The following CPA3 variants were observed in gnomAD, a reference collection of about 807,000 sequenced individuals.
The protein encoded by CPA3 is mast cell carboxypeptidase A.
A neutral mutation model predicts 55.8 loss-of-function variants in CPA3; 52 were observed. That is an observed-to-expected ratio of 0.93 (90% confidence interval 0.75 to 1.17). CPA3 has a LOEUF of 1.17. Among genes scored for constraint, CPA3 ranks in the 50% most tolerant of loss-of-function variants. CPA3 has a pLI of 0.00. For missense variants in CPA3, 547 were observed against 509.1 expected, an observed-to-expected ratio of 1.07 and a Z score of -0.72; for synonymous variants, 179 against 171.2, an observed-to-expected ratio of 1.05 and a Z score of -0.36.
intron 10 of CPA3, among the ~76,000 whole-genome samples, chr3:148,889,737 G>A (rs1194814131): frequency 1.3e-5 from 2 of 152,000 alleles, no homozygotes; most frequent in Non-Finnish European, 1.5e-5. Flanking sequence ...GGGCGTAATG[G>A]TGGGCACCTG....
intron 2 of CPA3, among the ~76,000 whole-genome samples, chr3:148,867,875 C>A (rs1713947197): frequency 1.3e-5 from 2 of 152,074 alleles, no homozygotes; most frequent in Admixed American, 6.5e-5. Flanking sequence ...GGAATCTTTT[C>A]AATGTTTGCT....
At chr3:148,886,071 T>G (rs1254012748) in intron 9 of CPA3, 22 bp from the exon 10 acceptor site, 1 of 1,557,430 alleles carries the variant, frequency 6.4e-7, no homozygotes, top group East Asian at 2.2e-5. Flanking sequence ...ATTATTTCAC[T>G]CTAACTTTCC....
Position 148,882,613 on chromosome 3 carries a change from T to C in CPA3, c.778+18T>C, listed in dbSNP as rs545467403. ...ATGGAACTGTGAGTAGCAGACTTGCTATCAAGGAAAATTGCTATAAGGAAT... is the reference window on the plus strand; with the variant it reads ...ATGGAACTGTGAGTAGCAGACTTGCCATCAAGGAAAATTGCTATAAGGAAT... On this transcript the variant is annotated intron_variant, in intron 8 of 10. Transcript: ENST00000296046. 7 of 1,603,200 alleles carry C rather than the reference T, an allele frequency of 4.4e-6. No homozygotes were observed. In the South Asian group the frequency reaches 6.6e-5, roughly 15 times the overall value.
intron 10 of CPA3, 54 bp from the exon 11 acceptor site, chr3:148,896,466 A>T (rs1714830838): frequency 2.8e-6 from 4 of 1,407,544 alleles, no homozygotes; most frequent in Middle Eastern, 1.9e-4. Flanking sequence ...TTTCCACTTT[A>T]AAAAAACATT....
chr3:148,880,695 C>T (rs1429962196), intron 6 of CPA3, among the ~76,000 whole-genome samples: 1 of 152,136 alleles, frequency 6.6e-6, no homozygotes, highest in East Asian at 1.9e-4. Context: ...CACTCTATTG[C>T]CAATGTATTT....
At chr3:148,884,137 A>G (rs919703071) in intron 9 of CPA3, among the ~76,000 whole-genome samples, 1 of 152,212 alleles carries the variant, frequency 6.6e-6, no homozygotes, top group African/African-American at 2.4e-5. Flanking sequence ...CGGTAAAACC[A>G]TGCACGGAAA....
intron 3 of CPA3, among the ~76,000 whole-genome samples, chr3:148,875,998 T>C (rs1714190928): frequency 6.6e-6 from 1 of 152,004 alleles, no homozygotes; most frequent in African/African-American, 2.4e-5. Flanking sequence ...AAGAAATAGT[T>C]ATTAAGAAAA....
chr3:148,886,532 GA>G (rs142879873), intron 10 of CPA3, among the ~76,000 whole-genome samples: 273 of 144,160 alleles, frequency 1.9e-3, no homozygotes, highest in Middle Eastern at 7.2e-3. Flanking sequence ...ACTGGAGTGA[GA>G]AAAAAAAAAA....
chr3:148,873,447 C>T (rs138715892), intron 3 of CPA3, among the ~76,000 whole-genome samples: 5 of 152,310 alleles, frequency 3.3e-5, no homozygotes, highest in Non-Finnish European at 7.3e-5. Context: ...GTTCTCCAGT[C>T]CTTTGTTGCT....
intron 3 of CPA3, among the ~76,000 whole-genome samples, chr3:148,870,282 T>C (rs1559966079): frequency 6.6e-6 from 1 of 152,014 alleles, no homozygotes; most frequent in Non-Finnish European, 1.5e-5. Flanking sequence ...CTTGCCATTT[T>C]ATACCTCCAT....
chr3:148,885,534 C>T (rs945974278), intron 9 of CPA3, among the ~76,000 whole-genome samples: 12 of 151,312 alleles, frequency 7.9e-5, no homozygotes, highest in Admixed American at 2.6e-4. Flanking sequence ...CCTCAGCCTC[C>T]CAAGTAGCTG....
In CPA3 at chr3:148,878,477, A is replaced by G. The variant is rs1290974053; in HGVS notation, c.306A>G (p.Lys102=). 6.2e-7 allele frequency: 1 copy of G among 1,613,208 alleles called. No homozygotes were observed. Among genetic ancestry groups the G allele is most frequent in the East Asian group, 2.2e-5 (1 of 44,820 alleles). The stretch of plus-strand genomic sequence containing the variant: ...ATGATCTACAAGAAGAGATTGAGAA[A>G]CAGTTTGATGTTAAAGAAGATATCC... The part of the protein sequence containing the change: ...LIHDLQEEIE[K]QFDVKEDIPG... The change falls in exon 4 of 11, where the codon AAA becomes AAG. Residue 102 remains lysine (K), a synonymous_variant. Transcript: ENST00000296046.
chr3:148,887,825 A>T (rs753844567), intron 10 of CPA3, among the ~76,000 whole-genome samples: 2 of 152,232 alleles, frequency 1.3e-5, no homozygotes, highest in African/African-American at 2.4e-5. Flanking sequence ...CATATAGTAC[A>T]GTGCACGGCA....
chr3:148,895,200 T>C (rs972472671), intron 10 of CPA3, among the ~76,000 whole-genome samples: 7 of 152,176 alleles, frequency 4.6e-5, no homozygotes, highest in African/African-American at 1.7e-4. Context: ...TCACAAACTC[T>C]CACTGCTCCC....
intron 3 of CPA3, among the ~76,000 whole-genome samples, chr3:148,872,022 A>C (rs937232901): frequency 6.6e-6 from 1 of 152,206 alleles, no homozygotes. Flanking sequence ...ACAAAGATTT[A>C]CTTACACACC....
chr3:148,880,334 T>C (rs915115445), intron 6 of CPA3, among the ~76,000 whole-genome samples: 2 of 126,402 alleles, frequency 1.6e-5, no homozygotes, highest in Non-Finnish European at 3.1e-5. Flanking sequence ...CTCACTTTTT[T>C]CTTTTTTTTT....
intron 3 of CPA3, among the ~76,000 whole-genome samples, chr3:148,875,200 A>G (rs1215825933): frequency 6.6e-6 from 1 of 152,222 alleles, no homozygotes; most frequent in Non-Finnish European, 1.5e-5. Context: ...ATGTTAAAAA[A>G]TAGACTTCTT....
At chr3:148,869,983 C>T (rs1714017739) in intron 3 of CPA3, 1 of 149,662 alleles carries the variant, frequency 6.7e-6, no homozygotes, top group Admixed American at 6.8e-5. Flanking sequence ...GTCCCAGCTA[C>T]TCGGGAGGCT....
intron 8 of CPA3, among the ~76,000 whole-genome samples, chr3:148,883,264 G>A (rs144962717): frequency 2.7e-4 from 41 of 152,280 alleles, no homozygotes; most frequent in African/African-American, 8.2e-4. Context: ...GCCCAGGGAA[G>A]GTAATTCACA....
Sources: gnomAD v4.1 joint callset for allele counts (sites outside exome capture counted in the v4.1 genomes callset) on GRCh38, gnomAD v4.1.1 for gene constraint, MANE v1.5 for transcripts, NCBI Gene and HGNC (gene_info 2026-07-23, HGNC 2026-07-21) for gene names.